Variants in ZC4H2 observed in about 807,000 individuals in gnomAD.
ZC4H2 encodes zinc finger C4H2-type containing, also known as zinc finger C4H2 domain-containing protein.
For missense variants in ZC4H2, 137 were observed against 173.9 expected, an observed-to-expected ratio of 0.79 and a Z score of 1.19; for synonymous variants, 84 against 66.3, an observed-to-expected ratio of 1.27 and a Z score of -1.30.
intron 1 of ZC4H2, among the ~76,000 whole-genome samples, chrX:65,022,107 G>T (rs1479895357): frequency 8.9e-6 from 1 of 111,925 alleles, no homozygotes; most frequent in African/African-American, 3.2e-5. Flanking sequence ...ACAAAAAGCA[G>T]CTGATACCAT....
chrX:64,988,004 G>A (rs1053138681), intron 1 of ZC4H2, among the ~76,000 whole-genome samples: 14 of 105,347 alleles, frequency 1.3e-4, no homozygotes, highest in Non-Finnish European at 1.9e-4. Context: ...CTGTCCTTGC[G>A]GTAGTTTGCT....
At chrX:64,968,667 C>T (rs1353714433) in intron 1 of ZC4H2, among the ~76,000 whole-genome samples, 2 of 111,375 alleles carry the variant, frequency 1.8e-5, no homozygotes, top group Admixed American at 1.9e-4. Flanking sequence ...GCTAGTATGA[C>T]TCGTGAACCA....
chrX:64,954,360 ATATATATATATAAT>A (rs1931053357), intron 1 of ZC4H2, among the ~76,000 whole-genome samples: 1 of 76,717 alleles, frequency 1.3e-5, no homozygotes, highest in Non-Finnish European at 2.1e-5. Context: ...ATATAATTAT[ATATATATATATAAT>A]TATATATATT....
intron 1 of ZC4H2, among the ~76,000 whole-genome samples, chrX:64,974,750 G>T (rs1341842889): frequency 9.1e-6 from 1 of 110,031 alleles, no homozygotes; most frequent in African/African-American, 3.3e-5. Context: ...TTCTCCATAT[G>T]GTCTTCACTG....
intron 1 of ZC4H2, among the ~76,000 whole-genome samples, chrX:64,951,840 A>G (rs1930855997): frequency 9.0e-6 from 1 of 111,299 alleles, no homozygotes. Context: ...TTTTGTTGCC[A>G]TTGCTCTTGG....
chrX:64,929,379 CATTT>C (rs1286913946), intron 1 of ZC4H2, among the ~76,000 whole-genome samples: 3 of 111,712 alleles, frequency 2.7e-5, no homozygotes, highest in African/African-American at 6.5e-5. Context: ...AATTAGGTCC[CATTT>C]ATTTATTTTT....
chrX:65,032,360 A>G (rs945715356), intron 1 of ZC4H2, among the ~76,000 whole-genome samples: 5 of 112,171 alleles, frequency 4.5e-5, no homozygotes, highest in Non-Finnish European at 9.4e-5. Flanking sequence ...CAAATTTTGT[A>G]AAAAGTCTGT....
chrX:64,985,242 G>A (rs1932161213), intron 1 of ZC4H2, among the ~76,000 whole-genome samples: 1 of 111,752 alleles, frequency 8.9e-6, no homozygotes, highest in Non-Finnish European at 1.9e-5. Flanking sequence ...TTGAATGGTA[G>A]TTCTGTTTTT....
At chrX:65,008,798 C>A (rs999127062) in intron 1 of ZC4H2, among the ~76,000 whole-genome samples, 2 of 111,217 alleles carry the variant, frequency 1.8e-5, no homozygotes, top group African/African-American at 3.3e-5. Context: ...TGATGGTTAC[C>A]AGAGGCTTGG....
At chrX:64,978,747 T>G (rs73213312), upstream of ZC4H2, among the ~76,000 whole-genome samples, 1 of 109,554 alleles carries the variant, frequency 9.1e-6, no homozygotes, top group African/African-American at 3.3e-5. Flanking sequence ...AAAAAAAAAA[T>G]ATATATATAT....
chrX:64,922,358 T>C (rs1200402948), intron 1 of ZC4H2: 2 of 137,627 alleles, frequency 1.5e-5, no homozygotes, highest in Admixed American at 8.4e-5. Context: ...TAGTCTCAAC[T>C]ACTCAGGAGG....
chrX:64,929,089 C>T (rs997238250), intron 1 of ZC4H2, among the ~76,000 whole-genome samples: 8 of 110,318 alleles, frequency 7.3e-5, no homozygotes, highest in African/African-American at 9.9e-5. Context: ...GGCAGGATTT[C>T]GCCATACTGG....
intron 1 of ZC4H2, among the ~76,000 whole-genome samples, chrX:64,936,263 T>C (rs775332143): frequency 3.5e-4 from 39 of 110,437 alleles, no homozygotes; most frequent in Non-Finnish European, 5.7e-4. Context: ...CCAAGAAATA[T>C]GGGACTATGT....
At chrX:64,953,066 T>C (rs1930944815) in intron 1 of ZC4H2, among the ~76,000 whole-genome samples, 2 of 111,918 alleles carry the variant, frequency 1.8e-5, no homozygotes, top group African/African-American at 3.3e-5. Flanking sequence ...AAACAAGCAA[T>C]GGGGAAAGGA....
At chrX:65,034,596 G>C (rs1362673296) in intron 1 of ZC4H2, 1 of 112,213 alleles carries the variant, frequency 8.9e-6, no homozygotes, top group African/African-American at 3.3e-5. Flanking sequence ...TCGAATTGCA[G>C]AGCATCCTGG....
intron 1 of ZC4H2, among the ~76,000 whole-genome samples, chrX:64,972,970 C>A (rs1473997342): frequency 9.0e-6 from 1 of 111,521 alleles, no homozygotes; most frequent in Non-Finnish European, 1.9e-5. Context: ...TAATTTAAGT[C>A]ACTTTTGGAA....
chrX:65,016,104 C>T (rs1244092453), intron 1 of ZC4H2, among the ~76,000 whole-genome samples: 2 of 111,550 alleles, frequency 1.8e-5, no homozygotes, highest in African/African-American at 3.3e-5. Flanking sequence ...ATTAATGTGG[C>T]CGACCCTGTT....
intron 1 of ZC4H2, among the ~76,000 whole-genome samples, chrX:64,953,033 C>T (rs919051491): frequency 7.2e-4 from 81 of 111,958 alleles, no homozygotes; most frequent in African/African-American, 2.5e-3. Context: ...CTACAACTAT[C>T]TGATCTTTGA....
At chrX:64,934,503 C>T (rs977763744) in intron 1 of ZC4H2, among the ~76,000 whole-genome samples, 5 of 111,866 alleles carry the variant, frequency 4.5e-5, no homozygotes, top group Non-Finnish European at 9.4e-5. Flanking sequence ...GCAGCAATAT[C>T]CTCTATTTCA....
Sources: gnomAD v4.1 joint callset for allele counts (sites outside exome capture counted in the v4.1 genomes callset) on GRCh38, gnomAD v4.1.1 for gene constraint, MANE v1.5 for transcripts, NCBI Gene and HGNC (gene_info 2026-07-23, HGNC 2026-07-21) for gene names.